HAT1: variants seen among roughly 807,000 people sequenced by gnomAD.
HAT1 encodes the protein histone acetyltransferase type B catalytic subunit.
In HAT1, 20 loss-of-function variants were observed where a neutral mutation model predicts 56.6. That is an observed-to-expected ratio of 0.35 (90% CI 0.25 to 0.51). HAT1 has a LOEUF of 0.51. Among genes scored for constraint, HAT1 ranks in the 20% least tolerant of loss-of-function variants. The pLI, the probability that HAT1 is intolerant of heterozygous loss-of-function variation, is 0.95. For missense variants in HAT1, 408 were observed against 504.3 expected (o/e 0.81, Z 1.83); for synonymous variants, 146 against 165.5 (o/e 0.88, Z 0.91).
At chr2:171,955,249 G>A (rs1185605895) in intron 4 of HAT1, among the ~76,000 whole-genome samples, 1 of 152,310 alleles carries the variant, frequency 6.6e-6, no homozygotes, top group East Asian at 1.9e-4. Context: ...GGCTGGAAGA[G>A]TTTTGAAGGT....
At chr2:171,948,949 T>A (rs1687236318) in intron 3 of HAT1, among the ~76,000 whole-genome samples, 7 of 152,136 alleles carry the variant, frequency 4.6e-5, no homozygotes. Context: ...ATAAAGTTAG[T>A]GTTTTTTCCT....
chr2:171,951,723 C>G (rs149052496), intron 3 of HAT1, among the ~76,000 whole-genome samples: 5 of 151,906 alleles, frequency 3.3e-5, no homozygotes, highest in Non-Finnish European at 7.4e-5. Flanking sequence ...TGTGAGCCAC[C>G]GTGCCCAGAC....
At chr2:171,928,824 T>A (rs2105963761) in intron 2 of HAT1, among the ~76,000 whole-genome samples, 1 of 152,300 alleles carries the variant, frequency 6.6e-6, no homozygotes, top group East Asian at 1.9e-4. Context: ...TCCTTTTTAT[T>A]GCTGAATACT....
chr2:171,953,072 C>T (rs773631777), intron 4 of HAT1, 71 bp downstream of exon 4: 285 of 1,014,340 alleles, frequency 2.8e-4, no homozygotes, highest in Non-Finnish European at 3.6e-4. Flanking sequence ...AGGCCAGGTG[C>T]GGTGGCTCAC....
chr2:171,967,754 G>A (rs1476020730), intron 8 of HAT1, among the ~76,000 whole-genome samples: 1 of 152,010 alleles, frequency 6.6e-6, no homozygotes, highest in Non-Finnish European at 1.5e-5. Flanking sequence ...ATGCAAATTG[G>A]TATTAAAATT....
At chr2:171,953,838 T>A (rs2105326030) in intron 4 of HAT1, among the ~76,000 whole-genome samples, 1 of 151,164 alleles carries the variant, frequency 6.6e-6, no homozygotes, top group East Asian at 2.0e-4. Context: ...CTACTAAAAA[T>A]ACAAAAATTA....
At chr2:171,955,183 G>T (rs1213330837) in intron 4 of HAT1, among the ~76,000 whole-genome samples, 1 of 152,162 alleles carries the variant, frequency 6.6e-6, no homozygotes, top group Non-Finnish European at 1.5e-5. Context: ...CCAGGAAGTG[G>T]GATGCTGCTA....
intron 2 of HAT1, among the ~76,000 whole-genome samples, chr2:171,933,216 T>TTAGC (rs1448307633): frequency 6.6e-6 from 1 of 151,864 alleles, no homozygotes; most frequent in Non-Finnish European, 1.5e-5. Flanking sequence ...ACCACCACAC[T>TTAGC]TAGCTAACTT....
At chr2:171,963,052 A>G (rs1402157691) in intron 4 of HAT1, among the ~76,000 whole-genome samples, 1 of 151,750 alleles carries the variant, frequency 6.6e-6, no homozygotes, top group Non-Finnish European at 1.5e-5. Context: ...CATGGTAGTC[A>G]GGATTTTTTT....
At chr2:171,978,472 T>C (rs1688045043) in intron 9 of HAT1, among the ~76,000 whole-genome samples, 1 of 152,200 alleles carries the variant, frequency 6.6e-6, no homozygotes, top group Non-Finnish European at 1.5e-5. Flanking sequence ...TATACTGACA[T>C]TGCTTAAATC....
chr2:171,937,003 G>C (rs1360117737), intron 2 of HAT1, among the ~76,000 whole-genome samples: 4 of 152,110 alleles, frequency 2.6e-5, no homozygotes, highest in African/African-American at 7.2e-5. Flanking sequence ...TGCCCAGGCT[G>C]GAGTGCAGTG....
intron 9 of HAT1, among the ~76,000 whole-genome samples, chr2:171,978,154 T>A (rs1423166668): frequency 6.8e-6 from 1 of 148,106 alleles, no homozygotes; most frequent in Non-Finnish European, 1.5e-5. Context: ...AGCCTCAACC[T>A]CCTGGGCTCA....
At chr2:171,939,630 G>C (rs1202931940) in intron 2 of HAT1, among the ~76,000 whole-genome samples, 1 of 152,138 alleles carries the variant, frequency 6.6e-6, no homozygotes, top group African/African-American at 2.4e-5. Flanking sequence ...TTTCCTCACA[G>C]AGCAATGTGA....
intron 4 of HAT1, among the ~76,000 whole-genome samples, chr2:171,962,512 A>G (rs988864149): frequency 3.9e-5 from 6 of 152,142 alleles, no homozygotes; most frequent in Non-Finnish European, 5.9e-5. Context: ...CTCCTGCCTC[A>G]GCCTCCCAAG....
At chr2:171,925,191 G>GCC (rs1227741675) in intron 1 of HAT1, among the ~76,000 whole-genome samples, 1 of 150,186 alleles carries the variant, frequency 6.7e-6, no homozygotes, top group African/African-American at 2.4e-5. Context: ...TCCTGCCTCA[G>GCC]CCTCCCAAGT....
intron 9 of HAT1, 91 bp from the exon 10 acceptor site, chr2:171,979,156 T>C: frequency 1.4e-6 from 1 of 697,622 alleles, no homozygotes; most frequent in Non-Finnish European, 2.5e-6. Flanking sequence ...TCCTTGCTCA[T>C]GGCAGATATT....
rs138010248 is a variant in HAT1, at chr2:171,934,005, A to G, written c.112+8364A>G. On this transcript the variant is annotated intron_variant, in intron 2 of 10. Coordinates refer to ENST00000264108, the MANE Select transcript of HAT1 (RefSeq NM_003642.4). ...CTCCAGCTGGAATTGTGGATTGTCT[A>G]TGTCTTCAGTCATTAATTTTTGCTT... Among the ~76,000 whole-genome samples the G allele has an allele frequency of 2.9e-3, 442 of 152,296 alleles. 14 individuals carry two copies. The East Asian group carries it at 0.066, about 23-fold the overall frequency.
intron 2 of HAT1, among the ~76,000 whole-genome samples, chr2:171,928,351 T>A: frequency 6.6e-6 from 1 of 152,240 alleles, no homozygotes; most frequent in East Asian, 1.9e-4. Flanking sequence ...GTGACTACAG[T>A]CTCATTTCTT....
At chr2:171,956,757 T>C (rs1687459379) in intron 4 of HAT1, among the ~76,000 whole-genome samples, 1 of 152,110 alleles carries the variant, frequency 6.6e-6, no homozygotes, top group African/African-American at 2.4e-5. Flanking sequence ...TGGCTGCTTA[T>C]AGTAAAGTGA....
Sources: gnomAD v4.1 joint callset for allele counts (sites outside exome capture counted in the v4.1 genomes callset) on GRCh38, gnomAD v4.1.1 for gene constraint, MANE v1.5 for transcripts, NCBI Gene and HGNC (gene_info 2026-07-23, HGNC 2026-07-21) for gene names.